Variants in SPOCK1 observed in about 807,000 individuals in gnomAD.
SPOCK1 encodes SPARC (osteonectin), cwcv and kazal like domains proteoglycan 1.
A neutral mutation model predicts 55.3 loss-of-function variants in SPOCK1; 23 were observed. That is an observed-to-expected ratio of 0.42 (90% CI 0.30 to 0.59). The LOEUF is 0.59. SPOCK1 is among the 20% of genes least tolerant of loss of function. The pLI is 0.22. For missense variants in SPOCK1, 499 were observed against 552.5 expected (o/e 0.90, Z 0.97); for synonymous variants, 226 against 221.0 (o/e 1.02, Z -0.20).
intron 2 of SPOCK1, among the ~76,000 whole-genome samples, chr5:137,417,933 T>A (rs984841798): frequency 6.6e-6 from 1 of 152,194 alleles, no homozygotes; most frequent in Admixed American, 6.5e-5. Flanking sequence ...TAGGTATATC[T>A]CCTAATGCTA....
intron 3 of SPOCK1, among the ~76,000 whole-genome samples, chr5:137,214,596 C>T (rs1228633597): frequency 6.6e-6 from 1 of 152,146 alleles, no homozygotes; most frequent in African/African-American, 2.4e-5. Flanking sequence ...TAGCTGTGGT[C>T]TATACCTTCA....
chr5:137,204,204 T>C (rs937249481), intron 3 of SPOCK1, among the ~76,000 whole-genome samples: 1 of 151,824 alleles, frequency 6.6e-6, no homozygotes, highest in African/African-American at 2.4e-5. Flanking sequence ...AGCCCTGGCT[T>C]AATAAATGTT....
At chr5:137,216,382 C>A (rs4246786) in intron 3 of SPOCK1, among the ~76,000 whole-genome samples, 131,094 of 152,288 alleles carry the variant, frequency 0.86, 56,511 homozygotes, top group African/African-American at 0.91. Flanking sequence ...ATAGCAAATA[C>A]AAATTGTATA....
At chr5:137,097,713 C>T (rs1336791587) in intron 5 of SPOCK1, among the ~76,000 whole-genome samples, 3 of 152,132 alleles carry the variant, frequency 2.0e-5, no homozygotes, top group Admixed American at 6.5e-5. Flanking sequence ...AAAACTAACC[C>T]GAACCTGCTG....
At chr5:137,486,357 C>T (rs575508472) in intron 2 of SPOCK1, among the ~76,000 whole-genome samples, 1 of 152,318 alleles carries the variant, frequency 6.6e-6, no homozygotes, top group East Asian at 1.9e-4. Flanking sequence ...AAGCCCAGCT[C>T]GCCAGAACTG....
intron 6 of SPOCK1, among the ~76,000 whole-genome samples, chr5:137,013,636 C>A (rs979695139): frequency 4.6e-5 from 7 of 152,320 alleles, no homozygotes; most frequent in Non-Finnish European, 1.0e-4. Flanking sequence ...AATTCTCATT[C>A]TCTAACACCT....
intron 2 of SPOCK1, among the ~76,000 whole-genome samples, chr5:137,418,945 A>C (rs942241191): frequency 6.6e-6 from 1 of 152,164 alleles, no homozygotes; most frequent in African/African-American, 2.4e-5. Context: ...TCTGACATTT[A>C]AGTCTTTAAT....
intron 4 of SPOCK1, among the ~76,000 whole-genome samples, chr5:137,127,881 T>A (rs1016942110): frequency 2.6e-5 from 4 of 152,210 alleles, no homozygotes; most frequent in African/African-American, 9.6e-5. Context: ...AAAGTTGATG[T>A]TGGAATGAAT....
intron 3 of SPOCK1, among the ~76,000 whole-genome samples, chr5:137,171,492 A>G (rs562812661): frequency 6.6e-6 from 1 of 152,170 alleles, no homozygotes; most frequent in African/African-American, 2.4e-5. Context: ...AATGTGGAGG[A>G]TCAGGACCCA....
chr5:137,176,502 ATG>A (rs10527760), intron 3 of SPOCK1, among the ~76,000 whole-genome samples: 24,793 of 150,316 alleles, frequency 0.16, 2,135 homozygotes, highest in Middle Eastern at 0.27. Flanking sequence ...CCCCACCACA[ATG>A]TGTGTGTGTG....
intron 2 of SPOCK1, among the ~76,000 whole-genome samples, chr5:137,366,079 A>G (rs979940092): frequency 4.6e-5 from 7 of 152,184 alleles, no homozygotes; most frequent in Non-Finnish European, 8.8e-5. Context: ...ACAGGTTCCC[A>G]GAAGAGCTCT....
chr5:137,457,349 C>A (rs1753386923), intron 2 of SPOCK1, among the ~76,000 whole-genome samples: 2 of 152,176 alleles, frequency 1.3e-5, no homozygotes, highest in African/African-American at 4.8e-5. Context: ...GAGCAGAATA[C>A]AATATTCCTA....
chr5:137,412,445 A>C (rs895431815), intron 2 of SPOCK1, among the ~76,000 whole-genome samples: 1 of 152,212 alleles, frequency 6.6e-6, no homozygotes, highest in Admixed American at 6.5e-5. Flanking sequence ...ATGTTTTCCA[A>C]GTAAAATGTG....
chr5:137,193,390 T>C (rs1004000521), intron 3 of SPOCK1, among the ~76,000 whole-genome samples: 3 of 151,870 alleles, frequency 2.0e-5, no homozygotes, highest in Admixed American at 6.6e-5. Context: ...GAGAAGGAAT[T>C]TTGATGTCCA....
At chr5:137,412,107 C>T (rs1013836179) in intron 2 of SPOCK1, among the ~76,000 whole-genome samples, 31 of 152,282 alleles carry the variant, frequency 2.0e-4, no homozygotes, top group African/African-American at 6.3e-4. Flanking sequence ...ATGGACTGCA[C>T]GAGCCCAATG....
At chr5:137,274,963 G>A (rs1757033980) in intron 2 of SPOCK1, among the ~76,000 whole-genome samples, 1 of 152,162 alleles carries the variant, frequency 6.6e-6, no homozygotes. Context: ...CCACTGAAAG[G>A]TATTACCTAT....
chr5:137,013,657 T>C (rs185313944), intron 6 of SPOCK1, among the ~76,000 whole-genome samples: 2 of 152,350 alleles, frequency 1.3e-5, no homozygotes, highest in African/African-American at 2.4e-5. Context: ...GTAAAACTAA[T>C]GAATTTTTCC....
At chr5:137,380,116 G>T (rs934776692) in intron 2 of SPOCK1, among the ~76,000 whole-genome samples, 1 of 152,198 alleles carries the variant, frequency 6.6e-6, no homozygotes, top group Non-Finnish European at 1.5e-5. Flanking sequence ...TGGAGCAAAT[G>T]CTGTGTGTGT....
At chr5:137,130,710 G>A (rs1374090586) in intron 4 of SPOCK1, among the ~76,000 whole-genome samples, 1 of 152,208 alleles carries the variant, frequency 6.6e-6, no homozygotes, top group African/African-American at 2.4e-5. Context: ...CTGTTCCGAA[G>A]CTAGACTTGC....
Sources: allele counts gnomAD v4.1 joint callset (sites outside exome capture counted in the v4.1 genomes callset), GRCh38; gene constraint gnomAD v4.1.1; transcripts MANE v1.5; gene names NCBI Gene and HGNC (gene_info 2026-07-23, HGNC 2026-07-21).